The following PPFIBP1 variants were observed in gnomAD, a reference collection of about 807,000 sequenced individuals.
The protein encoded by PPFIBP1 is PPFIB scaffold protein 1, also known as liprin-beta-1.
In PPFIBP1, 112 loss-of-function variants were observed where a neutral mutation model predicts 137.8. The ratio of observed to expected loss-of-function variants is 0.81; its 90% CI spans 0.70 to 0.95. The LOEUF (loss-of-function observed/expected upper bound fraction) is 0.95, where lower values mean the gene tolerates loss of function less well. Ranked by LOEUF, PPFIBP1 falls within the 40% of genes least tolerant of loss-of-function variation. PPFIBP1 has a pLI of 0.00. For synonymous variants in PPFIBP1, 378 were observed against 417.3 expected, an observed-to-expected ratio of 0.91 and a Z score of 1.15; for missense variants, 1,083 against 1,196.6, an observed-to-expected ratio of 0.91 and a Z score of 1.40.
chr12:27,657,932 AC>A (rs1433667238), intron 9 of PPFIBP1, among the ~76,000 whole-genome samples: 1 of 151,836 alleles, frequency 6.6e-6, no homozygotes, highest in Non-Finnish European at 1.5e-5. Context: ...ACACAATGAG[AC>A]CCTGTCTCTA....
chr12:27,560,107 A>C (rs915710356), intron 1 of PPFIBP1, among the ~76,000 whole-genome samples: 3 of 152,206 alleles, frequency 2.0e-5, no homozygotes, highest in Non-Finnish European at 4.4e-5. Flanking sequence ...TACACCCAGA[A>C]GTTTTGTCTT....
intron 9 of PPFIBP1, among the ~76,000 whole-genome samples, chr12:27,657,832 T>G (rs10842966): frequency 0.85 from 128,724 of 151,674 alleles, 54,797 homozygotes; most frequent in East Asian, 1. Flanking sequence ...AATGGGCTGG[T>G]TTCAGTGGCT....
chr12:27,679,463 T>G, intron 19 of PPFIBP1, 26 bp from the exon 20 acceptor site: 1 of 1,587,276 alleles, frequency 6.3e-7, no homozygotes, highest in Non-Finnish European at 8.6e-7. Context: ...TTAAAATTCA[T>G]TGTCTGCATT....
intron 2 of PPFIBP1, among the ~76,000 whole-genome samples, chr12:27,625,087 A>G (rs1294906570): frequency 6.6e-6 from 1 of 152,250 alleles, no homozygotes; most frequent in South Asian, 2.1e-4. Flanking sequence ...CCTGGGCAAC[A>G]TGGCGAAACC....
intron 1 of PPFIBP1, among the ~76,000 whole-genome samples, chr12:27,561,913 T>C (rs2049198209): frequency 6.6e-6 from 1 of 151,914 alleles, no homozygotes; most frequent in South Asian, 2.1e-4. Context: ...TAGCTGGGCA[T>C]GTGGTGTGTG....
At chr12:27,676,914 T>C (rs189304761) in intron 18 of PPFIBP1, 150 bp from the exon 19 acceptor site, 7 of 941,288 alleles carry the variant, frequency 7.4e-6, no homozygotes, top group Non-Finnish European at 1.0e-5. Context: ...GTTGAGCCTG[T>C]GTGTAACATC....
chr12:27,607,085 GA>G (rs1268023187), intron 2 of PPFIBP1, among the ~76,000 whole-genome samples: 1 of 152,176 alleles, frequency 6.6e-6, no homozygotes, highest in South Asian at 2.1e-4. Context: ...ACTCCACCCT[GA>G]AAAACTCTAA....
chr12:27,688,896 G>A (rs1444736677), intron 26 of PPFIBP1, 119 bp from the exon 27 acceptor site: 2 of 886,368 alleles, frequency 2.3e-6, no homozygotes, highest in Non-Finnish European at 3.4e-6. Context: ...ACCTCACCGG[G>A]CTGTTGAGAG....
At chr12:27,548,749 TTCG>T (rs1946473623) in intron 1 of PPFIBP1, 1 of 152,204 alleles carries the variant, frequency 6.6e-6, no homozygotes, top group African/African-American at 2.4e-5. Context: ...GCCTGATGAC[TTCG>T]TCGTGGCATA....
At chr12:27,535,520 C>T (rs1400940357) in intron 1 of PPFIBP1, among the ~76,000 whole-genome samples, 1 of 151,980 alleles carries the variant, frequency 6.6e-6, no homozygotes, top group Non-Finnish European at 1.5e-5. Flanking sequence ...CTCAGGTGAT[C>T]CTCCCCCTCA....
At chr12:27,675,617 A>G (rs2060468919) in intron 17 of PPFIBP1, among the ~76,000 whole-genome samples, 1 of 152,240 alleles carries the variant, frequency 6.6e-6, no homozygotes, top group Admixed American at 6.5e-5. Context: ...GGAAAATTAG[A>G]TATCCATATG....
At chr12:27,592,431 A>T (rs749844702) in intron 2 of PPFIBP1, 121 of 775,014 alleles carry the variant, frequency 1.6e-4, no homozygotes, top group Admixed American at 3.6e-4. Context: ...GATTATTTTC[A>T]ACTTTCCAAA....
chr12:27,628,710 T>C (rs1284564484), intron 2 of PPFIBP1, among the ~76,000 whole-genome samples: 1 of 152,224 alleles, frequency 6.6e-6, no homozygotes, highest in East Asian at 1.9e-4. Flanking sequence ...CTTCATTCAT[T>C]ATTTAGTTCT....
intron 27 of PPFIBP1, among the ~76,000 whole-genome samples, chr12:27,689,680 T>A (rs1290445784): frequency 1.3e-5 from 2 of 152,050 alleles, no homozygotes; most frequent in South Asian, 4.1e-4. Context: ...CTGCCTTGAG[T>A]CCTTGCCTTC....
chr12:27,663,650 G>A (rs1052646351), intron 11 of PPFIBP1, among the ~76,000 whole-genome samples: 9 of 152,224 alleles, frequency 5.9e-5, no homozygotes, highest in African/African-American at 2.2e-4. Context: ...AGACCAGCCT[G>A]GGTGACATGG....
At chr12:27,592,922 T>A (rs1233281187) in intron 2 of PPFIBP1, among the ~76,000 whole-genome samples, 1 of 151,976 alleles carries the variant, frequency 6.6e-6, no homozygotes, top group Non-Finnish European at 1.5e-5. Context: ...TGTGGATCAC[T>A]TGAGGTCAGG....
intron 2 of PPFIBP1, among the ~76,000 whole-genome samples, chr12:27,628,020 G>C (rs559771715): frequency 2.2e-4 from 34 of 152,062 alleles, no homozygotes; most frequent in African/African-American, 8.2e-4. Context: ...CTATGACTTT[G>C]AACCCCAGCT....
chr12:27,591,346 A>G (rs997118680), intron 2 of PPFIBP1, among the ~76,000 whole-genome samples: 1 of 152,216 alleles, frequency 6.6e-6, no homozygotes, highest in African/African-American at 2.4e-5. Context: ...AGATGCTGGG[A>G]AGGTGAGAGT....
At chr12:27,589,613 C>T (rs758379025) in intron 2 of PPFIBP1, among the ~76,000 whole-genome samples, 5 of 152,234 alleles carry the variant, frequency 3.3e-5, no homozygotes, top group African/African-American at 4.8e-5. Context: ...GGGACAGGTT[C>T]ATACCTGCCA....
Sources: gnomAD v4.1 joint callset for allele counts (sites outside exome capture counted in the v4.1 genomes callset) on GRCh38, gnomAD v4.1.1 for gene constraint, MANE v1.5 for transcripts, NCBI Gene and HGNC (gene_info 2026-07-23, HGNC 2026-07-21) for gene names.